The following PTPRD variants were observed in gnomAD, a reference collection of about 807,000 sequenced individuals.
The protein encoded by PTPRD is receptor-type tyrosine-protein phosphatase delta.
PTPRD carries 34 observed loss-of-function variants against 214.5 expected under a neutral mutation model. That is an observed-to-expected ratio of 0.16 (90% CI 0.12 to 0.21). PTPRD has a LOEUF of 0.21. Among genes scored for constraint, PTPRD ranks in the 10% least tolerant of loss-of-function variants. PTPRD has a pLI of 1.00. For synonymous variants in PTPRD, 1,128 were observed against 845.7 expected (o/e 1.33, Z -5.79); for missense variants, 2,545 against 2,398.7 (o/e 1.06, Z -1.27).
chr9:10,004,309 G>A (rs2096413595), intron 4 of PTPRD, among the ~76,000 whole-genome samples: 1 of 151,888 alleles, frequency 6.6e-6, no homozygotes, highest in Non-Finnish European at 1.5e-5. Flanking sequence ...TGAATGATAA[G>A]AGGGAATTTG....
At chr9:9,801,840 C>G (rs1391479770) in intron 5 of PTPRD, among the ~76,000 whole-genome samples, 1 of 152,002 alleles carries the variant, frequency 6.6e-6, no homozygotes, top group Non-Finnish European at 1.5e-5. Flanking sequence ...GAAGGATGCC[C>G]TTTAAGGCAT....
At chr9:9,958,542 AC>A (rs1408220638) in intron 4 of PTPRD, among the ~76,000 whole-genome samples, 1 of 152,164 alleles carries the variant, frequency 6.6e-6, no homozygotes, top group Non-Finnish European at 1.5e-5. Flanking sequence ...AAAAACAACA[AC>A]AACAGCAACA....
At chr9:8,404,479 C>A in intron 36 of PTPRD, 58 bp downstream of exon 36, 1 of 1,571,748 alleles carries the variant, frequency 6.4e-7, no homozygotes, top group South Asian at 1.2e-5. Flanking sequence ...ACAATATTCT[C>A]ATGCACATAC....
At chr9:9,923,698 G>A (rs1197560866) in intron 5 of PTPRD, among the ~76,000 whole-genome samples, 1 of 151,970 alleles carries the variant, frequency 6.6e-6, no homozygotes, top group South Asian at 2.1e-4. Flanking sequence ...AAAATCTCAA[G>A]AAAATGCTCA....
intron 8 of PTPRD, among the ~76,000 whole-genome samples, chr9:9,480,490 G>A (rs577625897): frequency 6.6e-6 from 1 of 152,186 alleles, no homozygotes; most frequent in Non-Finnish European, 1.5e-5. Flanking sequence ...CAATAAAACT[G>A]AGCTAAAACA....
chr9:8,347,388 A>G (rs1255518044), intron 39 of PTPRD, among the ~76,000 whole-genome samples: 3 of 152,124 alleles, frequency 2.0e-5, no homozygotes, highest in African/African-American at 7.2e-5. Flanking sequence ...AGTGCCTACC[A>G]TGTGCTGAGA....
At chr9:10,318,871 C>G (rs988812706) in intron 3 of PTPRD, among the ~76,000 whole-genome samples, 1 of 152,016 alleles carries the variant, frequency 6.6e-6, no homozygotes, top group Non-Finnish European at 1.5e-5. Context: ...CCTTGTCAGG[C>G]ATTGAGCAAC....
chr9:9,441,083 A>G (rs577541177), intron 8 of PTPRD, among the ~76,000 whole-genome samples: 1 of 152,230 alleles, frequency 6.6e-6, no homozygotes, highest in South Asian at 2.1e-4. Flanking sequence ...CTCAACCAAT[A>G]ATTTAATATG....
At chr9:9,937,580 A>C (rs2090001703) in intron 5 of PTPRD, among the ~76,000 whole-genome samples, 1 of 152,182 alleles carries the variant, frequency 6.6e-6, no homozygotes, top group African/African-American at 2.4e-5. Context: ...ATTAAATCAC[A>C]AGATACAGAA....
intron 9 of PTPRD, among the ~76,000 whole-genome samples, chr9:9,395,923 T>C (rs1267716513): frequency 1.3e-5 from 2 of 152,126 alleles, no homozygotes; most frequent in African/African-American, 4.8e-5. Context: ...CAAAGTGATA[T>C]GATTGCCTTT....
chr9:8,976,513 G>C (rs1458522248), intron 11 of PTPRD, among the ~76,000 whole-genome samples: 1 of 152,060 alleles, frequency 6.6e-6, no homozygotes, highest in Non-Finnish European at 1.5e-5. Context: ...TATAAAGTTT[G>C]TGCTTCCACA....
chr9:8,472,337 A>G (rs1164548764), intron 30 of PTPRD, among the ~76,000 whole-genome samples: 1 of 152,194 alleles, frequency 6.6e-6, no homozygotes. Context: ...CAGGACAAAG[A>G]AACAAGAGGA....
At chr9:9,193,917 C>G (rs1301084186) in intron 9 of PTPRD, among the ~76,000 whole-genome samples, 1 of 152,044 alleles carries the variant, frequency 6.6e-6, no homozygotes, top group South Asian at 2.1e-4. Flanking sequence ...AACTTTTCTA[C>G]TTTATAAACT....
intron 2 of PTPRD, among the ~76,000 whole-genome samples, chr9:10,360,735 T>A (rs1249912126): frequency 6.6e-6 from 1 of 152,238 alleles, no homozygotes; most frequent in Non-Finnish European, 1.5e-5. Flanking sequence ...GTATTAAATA[T>A]TAAAATGAAG....
At chr9:10,272,411 T>G (rs2094470748) in intron 3 of PTPRD, among the ~76,000 whole-genome samples, 1 of 152,218 alleles carries the variant, frequency 6.6e-6, no homozygotes, top group East Asian at 1.9e-4. Flanking sequence ...CTGTGAACAT[T>G]TACGTACAAA....
intron 2 of PTPRD, among the ~76,000 whole-genome samples, chr9:10,533,364 T>C (rs1220940204): frequency 6.6e-6 from 1 of 152,154 alleles, no homozygotes; most frequent in Non-Finnish European, 1.5e-5. Flanking sequence ...ATTTAGCAAT[T>C]AATTAGCTGT....
chr9:10,542,959 C>T (rs1384238324), intron 2 of PTPRD, among the ~76,000 whole-genome samples: 2 of 152,048 alleles, frequency 1.3e-5, no homozygotes, highest in African/African-American at 2.4e-5. Flanking sequence ...CCATGTTGGT[C>T]GCACTGGTCT....
intron 9 of PTPRD, among the ~76,000 whole-genome samples, chr9:9,227,444 G>T (rs945744025): frequency 6.6e-6 from 1 of 152,040 alleles, no homozygotes; most frequent in African/African-American, 2.4e-5. Flanking sequence ...TCCTCCTACT[G>T]TTTTGGCATT....
intron 11 of PTPRD, among the ~76,000 whole-genome samples, chr9:8,881,289 T>C (rs926653141): frequency 6.6e-6 from 1 of 152,206 alleles, no homozygotes; most frequent in Non-Finnish European, 1.5e-5. Context: ...TCTTTATAAA[T>C]TCCCATTAAT....
Sources: gnomAD v4.1 joint callset for allele counts (sites outside exome capture counted in the v4.1 genomes callset) on GRCh38, gnomAD v4.1.1 for gene constraint, MANE v1.5 for transcripts, NCBI Gene and HGNC (gene_info 2026-07-23, HGNC 2026-07-21) for gene names.